The following CLCN5 variants were observed in gnomAD, a reference collection of about 807,000 sequenced individuals.
CLCN5 encodes H(+)/Cl(-) exchange transporter 5.
Under a neutral mutation model 54.0 loss-of-function variants are expected in CLCN5, and 17 were observed. That is an observed-to-expected ratio of 0.31 (90% CI 0.22 to 0.47). The LOEUF is 0.47. Ranked by LOEUF, CLCN5 falls within the 20% of genes least tolerant of loss-of-function variation. The pLI is 1.00. For synonymous variants in CLCN5, 222 were observed against 233.0 expected (o/e 0.95, Z 0.43); for missense variants, 448 against 646.7 (o/e 0.69, Z 3.33).
intron 9 of CLCN5, among the ~76,000 whole-genome samples, chrX:50,083,678 T>C (rs1439663247): frequency 8.9e-6 from 1 of 111,998 alleles, no homozygotes; most frequent in East Asian, 2.8e-4. Flanking sequence ...CTTTTCTGAG[T>C]GAAATTCCAA....
intron 3 of CLCN5, among the ~76,000 whole-genome samples, chrX:49,934,470 C>G (rs1029528474): frequency 9.0e-6 from 1 of 111,102 alleles, no homozygotes; most frequent in Non-Finnish European, 1.9e-5. Context: ...TCTTAACTAC[C>G]CAGTATTTAT....
chrX:50,012,765 C>T (rs1272704316), intron 3 of CLCN5, among the ~76,000 whole-genome samples: 1 of 111,915 alleles, frequency 8.9e-6, no homozygotes, highest in Non-Finnish European at 1.9e-5. Context: ...AATTCTTGGG[C>T]TCATCCCTGA....
intron 3 of CLCN5, among the ~76,000 whole-genome samples, chrX:49,998,519 C>T (rs1929638624): frequency 1.8e-5 from 2 of 111,696 alleles, no homozygotes; most frequent in South Asian, 7.5e-4. Flanking sequence ...CTCAGGCCTG[C>T]AGCACGCCTG....
chrX:50,058,522 G>T (rs938436284), intron 4 of CLCN5, among the ~76,000 whole-genome samples: 15 of 111,166 alleles, frequency 1.3e-4, no homozygotes, highest in Admixed American at 1.2e-3. Flanking sequence ...AATGAGAACT[G>T]AGTTAAATAC....
intron 3 of CLCN5, among the ~76,000 whole-genome samples, chrX:49,944,154 C>G (rs967883890): frequency 2.7e-5 from 3 of 111,417 alleles, no homozygotes; most frequent in Admixed American, 9.6e-5. Context: ...GTATTTTATT[C>G]TCTTTGTAGC....
At chrX:50,089,918 G>C (rs954766945) in intron 12 of CLCN5, among the ~76,000 whole-genome samples, 198 bp from the exon 13 acceptor site, 7 of 111,426 alleles carry the variant, frequency 6.3e-5, no homozygotes, top group Non-Finnish European at 1.1e-4. Flanking sequence ...AAGAAAAACA[G>C]AAGGCTTCTT....
intron 3 of CLCN5, chrX:50,008,971 C>G (rs1432884260): frequency 5.2e-6 from 2 of 384,472 alleles, no homozygotes; most frequent in African/African-American, 5.1e-5. Context: ...CCTCTTGAAT[C>G]CTTGGAACCT....
chrX:49,998,167 C>T (rs910899147), intron 3 of CLCN5, among the ~76,000 whole-genome samples: 32 of 111,260 alleles, frequency 2.9e-4, no homozygotes, highest in Middle Eastern at 4.6e-3. Flanking sequence ...TCCCGCCCTC[C>T]CCATTTTACA....
chrX:49,941,341 T>G (rs1259429062), intron 3 of CLCN5, among the ~76,000 whole-genome samples: 1 of 110,900 alleles, frequency 9.0e-6, no homozygotes, highest in African/African-American at 3.3e-5. Flanking sequence ...ACATGGTGAG[T>G]ACTCATAAAT....
At chrX:50,047,103 T>C (rs781815368) in intron 4 of CLCN5, among the ~76,000 whole-genome samples, 56 of 111,512 alleles carry the variant, frequency 5.0e-4, no homozygotes, top group Non-Finnish European at 9.2e-4. Flanking sequence ...TTGCAAAACA[T>C]TTCTATTTGT....
intron 3 of CLCN5, among the ~76,000 whole-genome samples, chrX:49,956,277 C>G (rs1444047014): frequency 1.8e-5 from 2 of 111,904 alleles, no homozygotes; most frequent in African/African-American, 6.5e-5. Flanking sequence ...CCAGCTACCC[C>G]ACAAGCAGTG....
At chrX:50,026,806 G>A (rs1557185072) in intron 3 of CLCN5, among the ~76,000 whole-genome samples, 1 of 111,075 alleles carries the variant, frequency 9.0e-6, no homozygotes, top group East Asian at 2.8e-4. Context: ...TAAGGTATTT[G>A]TTTTACCCCG....
chrX:50,025,955 C>T lies in CLCN5; in HGVS notation c.17-16361C>T, dbSNP rs547787153. ...TCAATTCTTTTAATTTTTTTAGTTA[C>T]CTAAGGTGGAGGCTTAGATTATTGA... On this transcript the variant is annotated intron_variant, in intron 3 of 14. Coordinates refer to ENST00000376091, the MANE Select transcript of CLCN5 (RefSeq NM_001127898.4). Among the ~76,000 whole-genome samples, 19 of 111,481 alleles carry T rather than the reference C, an allele frequency of 1.7e-4. No individual in the cohort carries two copies. The South Asian group carries it at 6.8e-3, about 40-fold the overall frequency.
At chrX:50,060,226 T>G (rs940109626) in intron 4 of CLCN5, among the ~76,000 whole-genome samples, 1 of 110,360 alleles carries the variant, frequency 9.1e-6, no homozygotes, top group Non-Finnish European at 1.9e-5. Context: ...GGGTGATTTC[T>G]GCATTTCCAT....
intron 3 of CLCN5, among the ~76,000 whole-genome samples, chrX:50,030,176 A>G (rs1043474980): frequency 1.8e-5 from 2 of 112,315 alleles, no homozygotes. Context: ...TAGATGTAAC[A>G]TAATTCAAAT....
Position 50,092,295 on chromosome X carries a change from A to C in CLCN5, c.*76A>C. 1 of 702,621 alleles carries C rather than the reference A, an allele frequency of 1.4e-6. No homozygotes were observed. The highest frequency in any genetic ancestry group is 2.3e-6 in the Non-Finnish European group (1 of 438,346). 57.9% of individuals were successfully genotyped at this position (702,621 alleles called of 1,213,427 possible). ...ATGTTGTATTAACTGGGTACCCAAAACACATTTTCCATATTTGGATGGTGA... is the reference window on the plus strand; with the variant it reads ...ATGTTGTATTAACTGGGTACCCAAACCACATTTTCCATATTTGGATGGTGA... On this transcript the variant is annotated 3_prime_UTR_variant, in exon 15 of 15. Transcript: ENST00000376091.
At chrX:49,927,459 C>A (rs1925405914) in intron 3 of CLCN5, among the ~76,000 whole-genome samples, 2 of 111,787 alleles carry the variant, frequency 1.8e-5, no homozygotes, top group South Asian at 7.6e-4. Flanking sequence ...TTTTGGCTAA[C>A]CTCTGAAGTA....
At chrX:49,969,814 A>G (rs782741804) in intron 3 of CLCN5, among the ~76,000 whole-genome samples, 13 of 111,993 alleles carry the variant, frequency 1.2e-4, no homozygotes, top group African/African-American at 4.2e-4. Flanking sequence ...AGTCTTCTAT[A>G]TCCTGATTTT....
Position 50,090,347 on chromosome X carries a change from G to A in CLCN5, c.1976G>A (p.Arg659Gln), listed in dbSNP as rs140246004. Residue 659 changes from arginine to glutamine, a missense_variant, in exon 13 of 15, where the codon CGG becomes CAG. Arg to Gln is a conservative substitution (Grantham distance 43). Coordinates refer to ENST00000376091, the MANE Select transcript of CLCN5 (RefSeq NM_001127898.4). ...KTLAMDVMKP[R>Q]RNDPLLTVLT... ...CTGGCAATGGATGTGATGAAACCCC[G>A]GAGAAATGATCCTTTGTTGACTGTC... The A allele has an allele frequency of 1.9e-5, 23 of 1,209,492 alleles. No individual in the cohort carries two copies. The highest frequency in any genetic ancestry group is 3.5e-5 in the South Asian group (2 of 56,708).
Sources: allele counts gnomAD v4.1 joint callset (sites outside exome capture counted in the v4.1 genomes callset), GRCh38; gene constraint gnomAD v4.1.1; transcripts MANE v1.5; gene names NCBI Gene and HGNC (gene_info 2026-07-23, HGNC 2026-07-21).